Variants in WDFY4 observed in about 807,000 individuals in gnomAD.
WDFY4 encodes WDFY family member 4.
WDFY4 carries 169 observed loss-of-function variants against 351.9 expected under a neutral mutation model. The ratio of observed to expected loss-of-function variants is 0.48; its 90% CI spans 0.42 to 0.55. WDFY4 has a LOEUF of 0.55. Ranked by LOEUF, WDFY4 falls within the 20% of genes least tolerant of loss-of-function variation. The pLI, the probability that WDFY4 is intolerant of heterozygous loss-of-function variation, is 0.00. For synonymous variants in WDFY4, 1,622 were observed against 1,574.6 expected (o/e 1.03, Z -0.71); for missense variants, 3,803 against 3,935.6 (o/e 0.97, Z 0.90).
At chr10:48,730,551 T>C (rs948066048) in intron 8 of WDFY4, among the ~76,000 whole-genome samples, 3 of 152,192 alleles carry the variant, frequency 2.0e-5, no homozygotes, top group African/African-American at 7.2e-5. Context: ...GAAAGTGTAA[T>C]TATTTATCAG....
At chr10:48,929,754 A>G (rs751403647) in intron 47 of WDFY4, among the ~76,000 whole-genome samples, 35 of 152,150 alleles carry the variant, frequency 2.3e-4, no homozygotes, top group Admixed American at 4.6e-4. Context: ...GTCTGTCCCA[A>G]GCCCAGCTCC....
chr10:48,900,407 C>A, intron 46 of WDFY4, 101 bp downstream of exon 46: 1 of 1,105,008 alleles, frequency 9.0e-7, no homozygotes, highest in Non-Finnish European at 1.3e-6. Context: ...TGTTCTCAAC[C>A]CACAGTGAAC....
chr10:48,755,132 T>C (rs1307059910), intron 12 of WDFY4, among the ~76,000 whole-genome samples: 2 of 152,168 alleles, frequency 1.3e-5, no homozygotes, highest in Non-Finnish European at 2.9e-5. Flanking sequence ...TCTTTCCTTA[T>C]AGTTTTGTCT....
chr10:48,714,127 A>G (rs181761711), intron 2 of WDFY4, among the ~76,000 whole-genome samples: 142 of 152,382 alleles, frequency 9.3e-4, no homozygotes, highest in African/African-American at 3.3e-3. Context: ...GGGATGTTGC[A>G]TAACTTGGCC....
rs1355358409 is a variant in WDFY4 at position 48,832,795 on chromosome 10, C to T, written c.6663+86C>T. 5.0e-6 allele frequency: 7 copies of T among 1,408,400 alleles called. No individual in the cohort carries two copies. In the African/African-American group the frequency reaches 8.7e-5, roughly 18 times the overall value. 87.2% of individuals were successfully genotyped at this position (1,408,400 alleles called of 1,614,324 possible). On this transcript the variant is annotated intron_variant, in intron 39 of 61. Coordinates refer to ENST00000325239, the MANE Select transcript of WDFY4 (RefSeq NM_001394531.1). ...CATATCTCTTCTTTGCTGCCTGTTA[C>T]TAGACATGATCTAACTCCACGTCCT...
intron 24 of WDFY4, among the ~76,000 whole-genome samples, chr10:48,800,730 C>CTTTCTTTCTTT (rs1555016198): frequency 2.2e-5 from 2 of 92,808 alleles, no homozygotes; most frequent in Admixed American, 1.1e-4. Context: ...TTCATTCTTT[C>CTTTCTTTCTTT]TTTTTTTTTT....
intron 39 of WDFY4, among the ~76,000 whole-genome samples, chr10:48,864,669 G>A (rs564526183): frequency 6.6e-6 from 1 of 152,208 alleles, no homozygotes; most frequent in Non-Finnish European, 1.5e-5. Flanking sequence ...GATTATGTTA[G>A]GTAGTATTGA....
intron 47 of WDFY4, among the ~76,000 whole-genome samples, chr10:48,909,186 T>C (rs554868573): frequency 6.6e-6 from 1 of 152,232 alleles, no homozygotes; most frequent in Non-Finnish European, 1.5e-5. Flanking sequence ...AAAATTTGGT[T>C]GTTTCCATTT....
intron 41 of WDFY4, among the ~76,000 whole-genome samples, chr10:48,874,138 T>G (rs1186256729): frequency 6.6e-6 from 1 of 152,234 alleles, no homozygotes; most frequent in East Asian, 1.9e-4. Flanking sequence ...TAACAAATTT[T>G]ACGATGAAAA....
Position 48,774,538 on chromosome 10 carries a change from C to T in WDFY4, c.2634C>T (p.Cys878=), listed in dbSNP as rs372387547. ...CGGAGAAGAACCGCCAGGTCATGTG[C>T]GAAGCAGGCTTGCTTGGGACCCTCA... ...VKSEKNRQVM[C]EAGLLGTLMA... is the part of the protein sequence containing the mutation. Residue 878 remains cysteine, a synonymous_variant, in exon 14 of 62, where the codon TGC becomes TGT. Coordinates refer to ENST00000325239, the MANE Select transcript of WDFY4 (RefSeq NM_001394531.1). The T allele has an allele frequency of 3.5e-4, 538 of 1,551,630 alleles. No homozygotes were observed. The African/African-American group carries it at 3.6e-3, about 10-fold the overall frequency.
At chr10:48,698,688 C>T (rs1056375895) in intron 1 of WDFY4, among the ~76,000 whole-genome samples, 2 of 152,144 alleles carry the variant, frequency 1.3e-5, no homozygotes, top group South Asian at 2.1e-4. Flanking sequence ...CAAAGTTTAA[C>T]GCTGTGCATG....
chr10:48,787,180 A>C (rs551977537), intron 20 of WDFY4, among the ~76,000 whole-genome samples: 23 of 152,376 alleles, frequency 1.5e-4, no homozygotes, highest in Middle Eastern at 6.8e-3. Context: ...GAAGCTTTTT[A>C]ACTAAAGTAT....
At position 48,703,463 on chromosome 10, in the gene WDFY4, A is replaced by C. The variant is rs188820630; in HGVS notation, c.-17-6253A>C. Among the ~76,000 whole-genome samples, 13 of 152,394 alleles carry C rather than the reference A, an allele frequency of 8.5e-5. No homozygotes were observed. The East Asian group carries it at 2.5e-3, about 29-fold the overall frequency. The stretch of plus-strand genomic sequence containing the variant: ...ATAATCTGGAAATGAGAATAGTTGC[A>C]GAGGCTGACAAGAAATGGGGAAAGA... On this transcript the variant is annotated intron_variant, in intron 1 of 61. Transcript: ENST00000325239.
At chr10:48,880,375 C>T (rs2070196872) in intron 43 of WDFY4, among the ~76,000 whole-genome samples, 1 of 152,220 alleles carries the variant, frequency 6.6e-6, no homozygotes, top group Non-Finnish European at 1.5e-5. Context: ...CCCCAGGTGA[C>T]TGACTTTCCA....
intron 47 of WDFY4, chr10:48,913,565 G>A: frequency 6.2e-7 from 1 of 1,614,002 alleles, no homozygotes; most frequent in South Asian, 1.1e-5. Context: ...CAACATACAA[G>A]TTCTCCAGCC....
rs971520680 is a variant in WDFY4, at chr10:48,733,931, G to T, written c.1583G>T (p.Gly528Val). ...TGTTATTTCTTCTTCAATATGGCAG[G>T]AAACAAAGTGTCCACTCCTGGTGTT... ...RKQAKIMRKS[G>V]NKVSTPGVQD... Residue 528 changes from glycine (G) to valine (V), a missense_variant and splice_region_variant, in exon 10 of 62, where the codon GGA becomes GTA. Gly to Val is a moderately radical substitution (Grantham distance 109). This residue lies in a region of WDFY4 where 261 missense variants were observed against 330.2 expected (regional missense o/e 0.79). Transcript: ENST00000325239. 1 of 1,551,602 alleles carries T rather than the reference G, an allele frequency of 6.4e-7. No homozygotes were observed. Among genetic ancestry groups the T allele is most frequent in the African/African-American group, 1.4e-5 (1 of 73,180 alleles).
chr10:48,725,260 T>TGCCA (rs1157121860), intron 5 of WDFY4, among the ~76,000 whole-genome samples: 2 of 152,316 alleles, frequency 1.3e-5, no homozygotes, highest in African/African-American at 4.8e-5. Flanking sequence ...CAGCAGGTCC[T>TGCCA]GTTGGACCCC....
chr10:48,822,007 G>T (rs1017093020), intron 34 of WDFY4, among the ~76,000 whole-genome samples: 8 of 152,188 alleles, frequency 5.3e-5, no homozygotes, highest in African/African-American at 1.9e-4. Flanking sequence ...GGTGAGCATA[G>T]ATGGATAATG....
chr10:48,907,792 C>T (rs1837697023), intron 47 of WDFY4, among the ~76,000 whole-genome samples: 1 of 152,176 alleles, frequency 6.6e-6, no homozygotes, highest in South Asian at 2.1e-4. Context: ...AGTGCTGGCT[C>T]CACCACTGAG....
Sources: allele counts gnomAD v4.1 joint callset (sites outside exome capture counted in the v4.1 genomes callset), GRCh38; gene constraint gnomAD v4.1.1; regional missense constraint gnomAD v4.1.1; transcripts MANE v1.5; gene names NCBI Gene and HGNC (gene_info 2026-07-23, HGNC 2026-07-21).